Variants in RRM2B observed in about 807,000 individuals in gnomAD.
RRM2B encodes the protein ribonucleotide reductase regulatory TP53 inducible subunit M2B.
In RRM2B, 20 loss-of-function variants were observed where a neutral mutation model predicts 45.9. The observed-to-expected ratio is 0.44, with a 90% CI of 0.31 to 0.63. The LOEUF (loss-of-function observed/expected upper bound fraction) is 0.63, where lower values mean the gene tolerates loss of function less well. Ranked by LOEUF, RRM2B falls within the 30% of genes least tolerant of loss-of-function variation. RRM2B has a pLI of 0.09. For missense variants in RRM2B, 320 were observed against 414.7 expected (o/e 0.77, Z 1.98); for synonymous variants, 124 against 132.3 (o/e 0.94, Z 0.43).
In RRM2B at chr8:102,215,405, CA is replaced by C. The variant is rs553411812; in HGVS notation, c.685-1248del. Among the ~76,000 whole-genome samples, 624 of 122,650 alleles carry C rather than the reference CA, an allele frequency of 5.1e-3. 2 individuals carry two copies. The highest frequency in any genetic ancestry group is 0.012 in the African/African-American group (393 of 32,740). The allele number at this position is 122,650 out of a possible 152,430, so 80.5% of individuals were successfully genotyped here. A position where few individuals can be genotyped will look rare whatever the true frequency, so the allele number is the denominator to read the frequency against. On this transcript the variant is annotated intron_variant, in intron 6 of 8. Transcript: ENST00000251810. ...AGCCTGGGTGACAGTGAGACTGTTTCAAAAAAAAAAAAGGAAGAAAGAAGAA... is the reference window on the plus strand; with the variant it reads ...AGCCTGGGTGACAGTGAGACTGTTTCAAAAAAAAAAAGGAAGAAAGAAGAA...
intron 8 of RRM2B, 42 bp downstream of exon 8, chr8:102,212,734 A>G (rs775541439): frequency 1.9e-5 from 19 of 1,021,092 alleles, no homozygotes; most frequent in Non-Finnish European, 2.9e-5. Context: ...TTGCTTTCCT[A>G]TAATATTTTA....
chr8:102,210,492 C>T (rs1013393830), intron 8 of RRM2B, among the ~76,000 whole-genome samples: 1 of 151,794 alleles, frequency 6.6e-6, no homozygotes, highest in East Asian at 1.9e-4. Context: ...CACAGAGTTT[C>T]GGTCTTTTTG....
chr8:102,224,259 G>A (rs1810886471), intron 4 of RRM2B, 119 bp from the exon 5 acceptor site: 3 of 677,186 alleles, frequency 4.4e-6, no homozygotes, highest in South Asian at 2.9e-5. Context: ...TCGGCTCACT[G>A]CAAGCTCCAC....
intron 5 of RRM2B, among the ~76,000 whole-genome samples, chr8:102,220,753 C>A (rs1296174362): frequency 6.6e-6 from 1 of 152,088 alleles, no homozygotes; most frequent in African/African-American, 2.4e-5. Flanking sequence ...GGTATTGTAA[C>A]CATGCTATAC....
chr8:102,220,504 T>C (rs796677171), intron 5 of RRM2B, among the ~76,000 whole-genome samples: 1 of 152,278 alleles, frequency 6.6e-6, no homozygotes, highest in African/African-American at 2.4e-5. Context: ...CAATGGTGCA[T>C]TAATAATTCA....
At chr8:102,221,094 G>A (rs1050910858) in intron 5 of RRM2B, among the ~76,000 whole-genome samples, 8 of 151,958 alleles carry the variant, frequency 5.3e-5, no homozygotes, top group Non-Finnish European at 1.2e-4. Flanking sequence ...TATTTGTTTT[G>A]AAGTTATTTA....
In RRM2B at chr8:102,206,136, T is replaced by C. The variant is rs1810540536; in HGVS notation, c.*1997A>G. ...GTTCAAATGTCTCTCTATATTTTGA[T>C]ACTTTAATATATATATTTAAAGTAT... On this transcript the variant is annotated 3_prime_UTR_variant, in exon 9 of 9. Coordinates refer to ENST00000251810, the MANE Select transcript of RRM2B (RefSeq NM_015713.5). 6.6e-6 allele frequency: 1 copy of C among 152,220 alleles called. No individual in the cohort carries two copies. Among genetic ancestry groups the C allele is most frequent in the African/African-American group, 2.4e-5 (1 of 41,562 alleles). 9.4% of individuals were successfully genotyped at this position (152,220 alleles called of 1,614,324 possible).
Position 102,205,915 on chromosome 8 carries a change from T to C in RRM2B, c.*2218A>G, listed in dbSNP as rs2132537589. ...TTCTTCATCCAAATCCAGTTAGGTT[T>C]ATTGCTATTATAAATAAGCTTCACA... On this transcript the variant is annotated 3_prime_UTR_variant, in exon 9 of 9. Coordinates refer to ENST00000251810, the MANE Select transcript of RRM2B (RefSeq NM_015713.5). The C allele has an allele frequency of 6.6e-6, 1 of 151,284 alleles. No individual in the cohort carries two copies. The allele number at this position is 151,284 out of a possible 1,614,324, so 9.4% of individuals were successfully genotyped here.
intron 5 of RRM2B, among the ~76,000 whole-genome samples, chr8:102,221,062 A>G (rs1375054914): frequency 1.3e-5 from 2 of 152,192 alleles, no homozygotes; most frequent in Non-Finnish European, 2.9e-5. Context: ...ATTTCATTAC[A>G]TATATTAAGT....
At chr8:102,218,396 A>G (rs16869282) in intron 6 of RRM2B, among the ~76,000 whole-genome samples, 15,662 of 152,206 alleles carry the variant, frequency 0.1, 851 homozygotes, top group Middle Eastern at 0.16. Context: ...CAGGATACTC[A>G]TGTCACCACA....
At chr8:102,223,689 C>A (rs1397321888) in intron 5 of RRM2B, among the ~76,000 whole-genome samples, 1 of 131,640 alleles carries the variant, frequency 7.6e-6, no homozygotes, top group Non-Finnish European at 1.6e-5. Flanking sequence ...GAGCGAGACT[C>A]CGTCTCAAAA....
In RRM2B at chr8:102,223,907, T is replaced by C. The variant is rs527479349; in HGVS notation, c.550+139A>G. ...TCTAATTAATTATTAGGAATAATGA[T>C]TTTGGTAAAGGTGCATTTGAGACAT... On this transcript the variant is annotated intron_variant, in intron 5 of 8. Coordinates refer to ENST00000251810, the MANE Select transcript of RRM2B (RefSeq NM_015713.5). 1.8e-3 allele frequency: 1,292 copies of C among 733,564 alleles called. 22 individuals carry two copies. The South Asian group carries it at 0.018, about 10-fold the overall frequency. 45.4% of individuals were successfully genotyped at this position (733,564 alleles called of 1,614,324 possible). A position where few individuals can be genotyped will look rare whatever the true frequency, so the allele number is the denominator to read the frequency against.
intron 5 of RRM2B, among the ~76,000 whole-genome samples, chr8:102,220,138 T>C (rs1810805201): frequency 6.6e-6 from 1 of 151,746 alleles, no homozygotes; most frequent in African/African-American, 2.4e-5. Flanking sequence ...ACCTGGGAGG[T>C]TGATGTGGGA....
In RRM2B at chr8:102,212,794, C is replaced by T; in HGVS notation, c.885G>A (p.Val295=). 1 of 1,594,600 alleles carries T rather than the reference C, an allele frequency of 6.3e-7. No homozygotes were observed. Among genetic ancestry groups the T allele is most frequent in the African/African-American group, 1.3e-5 (1 of 74,548 alleles). ...YIEFVADRLL[V]ELGFSKVFQA... ...ACATTACCTTTGAGAATCCAAGTTC[C>T]ACAAGTAATCTGTCAGCTACAAACT... The change falls in exon 8 of 9, where the codon GTG becomes GTA. Residue 295 remains valine (V), a synonymous_variant. Transcript: ENST00000251810.
intron 5 of RRM2B, among the ~76,000 whole-genome samples, chr8:102,219,504 T>TC: frequency 6.6e-6 from 1 of 152,266 alleles, no homozygotes; most frequent in South Asian, 2.1e-4. Context: ...AGATAAAATG[T>TC]CCCCATAACA....
intron 2 of RRM2B, among the ~76,000 whole-genome samples, chr8:102,226,577 C>T (rs76744957): frequency 0.067 from 10,170 of 152,102 alleles, 347 homozygotes; most frequent in Middle Eastern, 0.14. Context: ...TCTCAACAGT[C>T]ACTGCTTTAA....
chr8:102,227,938 T>A (rs940752523), intron 2 of RRM2B, among the ~76,000 whole-genome samples: 1 of 152,128 alleles, frequency 6.6e-6, no homozygotes, highest in African/African-American at 2.4e-5. Context: ...TCACACAGCA[T>A]ATATAGACAT....
chr8:102,233,117 T>C (rs569862703), intron 1 of RRM2B, among the ~76,000 whole-genome samples: 3 of 152,300 alleles, frequency 2.0e-5, no homozygotes, highest in African/African-American at 7.2e-5. Context: ...TAAACGTGTA[T>C]AAACCAGGAT....
Position 102,204,962 on chromosome 8 carries a change from AATATGAG to A in RRM2B, c.*3164_*3170del, listed in dbSNP as rs1810518989. 2 of 152,292 alleles carry A rather than the reference AATATGAG, an allele frequency of 1.3e-5. No individual in the cohort carries two copies. Among genetic ancestry groups the A allele is most frequent in the South Asian group, 4.1e-4 (2 of 4,828 alleles). The allele number at this position is 152,292 out of a possible 1,614,324, so 9.4% of individuals were successfully genotyped here. A position where few individuals can be genotyped will look rare whatever the true frequency, so the allele number is the denominator to read the frequency against. On this transcript the variant is annotated 3_prime_UTR_variant, in exon 9 of 9. Transcript: ENST00000251810. The stretch of plus-strand genomic sequence containing the variant: ...AATCCTTTCTTCCTAATGCCTCGGG[AATATGAG>A]ATTCTCTTTCAAATCTTTAACTTTT...
Sources: allele counts gnomAD v4.1 joint callset (sites outside exome capture counted in the v4.1 genomes callset), GRCh38; gene constraint gnomAD v4.1.1; transcripts MANE v1.5; gene names NCBI Gene and HGNC (gene_info 2026-07-23, HGNC 2026-07-21).